The following RABGAP1L variants were observed in gnomAD, a reference collection of about 807,000 sequenced individuals.
RABGAP1L encodes the protein rab GTPase-activating protein 1-like.
In RABGAP1L, 63 loss-of-function variants were observed where a neutral mutation model predicts 137.7. The ratio of observed to expected loss-of-function variants is 0.46; its 90% confidence interval spans 0.37 to 0.56. The LOEUF is 0.56. Ranked by LOEUF, RABGAP1L falls within the 20% of genes least tolerant of loss-of-function variation. The probability of loss-of-function intolerance (pLI) is 0.00; values close to 1 mark genes in which losing one functional copy is unlikely to be tolerated. For synonymous variants in RABGAP1L, 431 were observed against 433.7 expected, an observed-to-expected ratio of 0.99 and a Z score of 0.08; for missense variants, 1,095 against 1,244.0, an observed-to-expected ratio of 0.88 and a Z score of 1.80.
chr1:174,880,389 T>A (rs1248101486), intron 19 of RABGAP1L, among the ~76,000 whole-genome samples: 1 of 151,950 alleles, frequency 6.6e-6, no homozygotes, highest in African/African-American at 2.4e-5. Context: ...CTCAACACTT[T>A]GGGAGGCCAA....
At chr1:174,338,680 ATTT>A (rs1210966587) in intron 11 of RABGAP1L, among the ~76,000 whole-genome samples, 1 of 151,760 alleles carries the variant, frequency 6.6e-6, no homozygotes, top group African/African-American at 2.4e-5. Flanking sequence ...GATTAATAAT[ATTT>A]ATTTATTGCT....
chr1:174,718,138 GTTGTC>G (rs1558014002), intron 17 of RABGAP1L, among the ~76,000 whole-genome samples: 1 of 152,030 alleles, frequency 6.6e-6, no homozygotes, highest in Non-Finnish European at 1.5e-5. Context: ...TCATTCTTCT[GTTGTC>G]TTCTTATTTT....
At chr1:174,530,931 G>A (rs1664346834) in intron 13 of RABGAP1L, among the ~76,000 whole-genome samples, 1 of 151,922 alleles carries the variant, frequency 6.6e-6, no homozygotes, top group African/African-American at 2.4e-5. Flanking sequence ...CTAATAAAGG[G>A]TTAGAAAATG....
intron 7 of RABGAP1L, among the ~76,000 whole-genome samples, chr1:174,263,952 ATTG>A (rs1673814613): frequency 6.6e-6 from 1 of 152,010 alleles, no homozygotes; most frequent in African/African-American, 2.4e-5. Context: ...TTTAGTAAAT[ATTG>A]TTTAGTTACT....
intron 13 of RABGAP1L, among the ~76,000 whole-genome samples, chr1:174,489,156 A>G (rs1328412980): frequency 6.6e-6 from 1 of 152,120 alleles, no homozygotes; most frequent in East Asian, 1.9e-4. Flanking sequence ...AACAATGGCA[A>G]CAAAAGCCAA....
At position 174,804,960 on chromosome 1, in the gene RABGAP1L, A is replaced by G. The variant is rs551444474; in HGVS notation, c.2212-6872A>G. On this transcript the variant is annotated intron_variant, in intron 18 of 25. Coordinates refer to ENST00000681986, the MANE Select transcript of RABGAP1L (RefSeq NM_001366446.1). ...TAACAGCTGCAAGGATTGCTCTTTAAAGAGAGGTTACAACTTATAACAGAA... is the reference window on the plus strand; with the variant it reads ...TAACAGCTGCAAGGATTGCTCTTTAGAGAGAGGTTACAACTTATAACAGAA... 4.6e-5 allele frequency among the ~76,000 whole-genome samples: 7 copies of G among 152,310 alleles called. No individual in the cohort carries two copies. The East Asian group carries it at 1.3e-3, about 29-fold the overall frequency.
chr1:174,532,803 T>TA (rs969164771), intron 13 of RABGAP1L, among the ~76,000 whole-genome samples: 4 of 151,470 alleles, frequency 2.6e-5, no homozygotes, highest in Admixed American at 6.6e-5. Flanking sequence ...CACAGATATA[T>TA]AAAAAAAAAT....
intron 19 of RABGAP1L, among the ~76,000 whole-genome samples, chr1:174,915,989 A>G (rs922395811): frequency 2.6e-5 from 4 of 151,868 alleles, no homozygotes; most frequent in Non-Finnish European, 4.4e-5. Flanking sequence ...GCCTAATCCA[A>G]GACTGCAAAG....
intron 1 of RABGAP1L, among the ~76,000 whole-genome samples, chr1:174,183,147 CTT>C (rs1666514009): frequency 6.6e-6 from 1 of 152,154 alleles, no homozygotes; most frequent in Non-Finnish European, 1.5e-5. Context: ...AGTTGATGTA[CTT>C]CACATAAAGA....
At chr1:174,161,399 C>T (rs1664442520) in intron 1 of RABGAP1L, among the ~76,000 whole-genome samples, 1 of 151,980 alleles carries the variant, frequency 6.6e-6, no homozygotes, top group African/African-American at 2.4e-5. Flanking sequence ...TGCGCCGCCA[C>T]GCCTGGCTAA....
chr1:174,752,567 T>TA lies in RABGAP1L; in HGVS notation c.2211+215dup, dbSNP rs1336403107. Among the ~76,000 whole-genome samples, 5 of 152,246 alleles carry TA rather than the reference T, an allele frequency of 3.3e-5. No individual in the cohort carries two copies. The East Asian group carries it at 9.6e-4, about 29-fold the overall frequency. ...TTTTTTTTCTTATAATCCATTTATT[T>TA]AATGGTACTATCATAGAGCTCTTTC... On this transcript the variant is annotated intron_variant, in intron 18 of 25. Coordinates refer to ENST00000681986, the MANE Select transcript of RABGAP1L (RefSeq NM_001366446.1).
At chr1:174,982,947 TCACA>T in intron 24 of RABGAP1L, 42 bp downstream of exon 24, 2 of 1,540,032 alleles carry the variant, frequency 1.3e-6, no homozygotes, top group Non-Finnish European at 8.8e-7. Context: ...TATTTCAAAG[TCACA>T]CAGGCTTGTA....
chr1:174,452,796 C>A (rs1350060094), intron 13 of RABGAP1L, among the ~76,000 whole-genome samples: 1 of 151,966 alleles, frequency 6.6e-6, no homozygotes, highest in African/African-American at 2.4e-5. Flanking sequence ...CTCCTGACCT[C>A]GTGATCTGCC....
rs370769823 is a variant in RABGAP1L, at chr1:174,386,474, G to GGT, written c.1560-7504_1560-7503dup. ...CACTCTGGTTTTAGAGCCAGAACAG[G>GGT]GTGTGTGTGTGTGTGTGTTTGTGTG... is the stretch of plus-strand genomic sequence containing the variant. On this transcript the variant is annotated intron_variant, in intron 12 of 25. Transcript: ENST00000681986. Among the ~76,000 whole-genome samples the GGT allele has an allele frequency of 8.6e-4, 129 of 150,100 alleles. 1 individual carries two copies. Among genetic ancestry groups the GGT allele is most frequent in the East Asian group, 7.2e-3 (37 of 5,144 alleles).
In RABGAP1L at chr1:174,962,204, C is replaced by T. The variant is rs182410115; in HGVS notation, c.2433+4655C>T. On this transcript the variant is annotated intron_variant, in intron 20 of 25. Transcript: ENST00000681986. ...AATAAAAATAAAAATACACCCCCCC[C>T]CCACACACACACACAGCTAGTTAAT... Among the ~76,000 whole-genome samples the T allele has an allele frequency of 1.6e-5, 2 of 125,536 alleles. 1 individual carries two copies. Among genetic ancestry groups the T allele is most frequent in the Non-Finnish European group, 3.5e-5 (2 of 57,442 alleles). The allele number at this position is 125,536 out of a possible 152,430, so 82.4% of individuals were successfully genotyped here.
At chr1:174,893,512 C>T (rs1047754742) in intron 19 of RABGAP1L, among the ~76,000 whole-genome samples, 1 of 152,180 alleles carries the variant, frequency 6.6e-6, no homozygotes, top group African/African-American at 2.4e-5. Context: ...GATGCATATA[C>T]CTGCATAAAT....
At chr1:174,224,183 A>AT (rs1321098519) in intron 3 of RABGAP1L, among the ~76,000 whole-genome samples, 1 of 152,194 alleles carries the variant, frequency 6.6e-6, no homozygotes, top group African/African-American at 2.4e-5. Flanking sequence ...TTATAGAAAA[A>AT]TTTAAGTCTG....
chr1:174,876,891 A>AT (rs1014414048), intron 19 of RABGAP1L, among the ~76,000 whole-genome samples: 18 of 150,136 alleles, frequency 1.2e-4, no homozygotes, highest in Admixed American at 2.0e-4. Flanking sequence ...AGAGGGGAAA[A>AT]TTTTTTTTTT....
chr1:174,671,468 T>C (rs1236832744), intron 14 of RABGAP1L, among the ~76,000 whole-genome samples: 1 of 152,202 alleles, frequency 6.6e-6, no homozygotes, highest in African/African-American at 2.4e-5. Flanking sequence ...GCCATTACTG[T>C]TTTGAGGTAC....
Sources: gnomAD v4.1 joint callset for allele counts (sites outside exome capture counted in the v4.1 genomes callset) on GRCh38, gnomAD v4.1.1 for gene constraint, MANE v1.5 for transcripts, NCBI Gene and HGNC (gene_info 2026-07-23, HGNC 2026-07-21) for gene names.